Variants in SH3BP5 observed in about 807,000 individuals in gnomAD.
SH3BP5 encodes SH3 domain-binding protein 5.
SH3BP5 carries 22 observed loss-of-function variants against 43.3 expected under a neutral mutation model. That is an observed-to-expected ratio of 0.51 (90% CI 0.36 to 0.73). The LOEUF is 0.73. SH3BP5 is among the 30% of genes least tolerant of loss of function. The pLI, the probability that SH3BP5 is intolerant of heterozygous loss-of-function variation, is 0.00. For synonymous variants in SH3BP5, 255 were observed against 225.8 expected, an observed-to-expected ratio of 1.13 and a Z score of -1.16; for missense variants, 529 against 586.9, an observed-to-expected ratio of 0.90 and a Z score of 1.02.
chr3:15,268,789 A>G (rs1425171765), intron 4 of SH3BP5, among the ~76,000 whole-genome samples: 6 of 152,122 alleles, frequency 3.9e-5, no homozygotes, highest in Non-Finnish European at 8.8e-5. Context: ...GTATCTGGAG[A>G]TAGGGCCTTT....
intron 3 of SH3BP5, among the ~76,000 whole-genome samples, chr3:15,274,965 C>T (rs750065277): frequency 6.6e-5 from 10 of 152,180 alleles, no homozygotes; most frequent in Non-Finnish European, 1.3e-4. Context: ...AATCATCTCC[C>T]GCCAAGCCCC....
chr3:15,304,277 G>C (rs781380117), intron 2 of SH3BP5, 46 bp from the exon 3 acceptor site: 1 of 1,613,508 alleles, frequency 6.2e-7, no homozygotes, highest in Admixed American at 1.7e-5. Flanking sequence ...GCTTAAGAAG[G>C]GATCTGCAAA....
At chr3:15,335,121 A>G (rs544918968), upstream of SH3BP5, among the ~76,000 whole-genome samples, 11 of 152,066 alleles carry the variant, frequency 7.2e-5, no homozygotes, top group South Asian at 2.3e-3. Context: ...TAGGCCAGGC[A>G]TGGTGGCTCA....
At position 15,258,946 on chromosome 3, in the gene SH3BP5, G is replaced by A. The variant is rs757056318; in HGVS notation, c.774C>T (p.His258=). 26 of 1,614,042 alleles carry A rather than the reference G, an allele frequency of 1.6e-5. No homozygotes were observed. The highest frequency in any genetic ancestry group is 2.7e-5 in the African/African-American group (2 of 74,912). Reference sequence around the variant, plus strand: ...CCATGGCACTGGAGCGCCGCCGCTCGTGGATCTCATCTGAGATCATCTCCA... The same window carrying A: ...CCATGGCACTGGAGCGCCGCCGCTCATGGATCTCATCTGAGATCATCTCCA... ...KNLEMISDEI[H]ERRRSSAMGP... Residue 258 remains histidine (H), a synonymous_variant, in exon 7 of 9, where the codon CAC becomes CAT. Transcript: ENST00000383791.
intron 2 of SH3BP5, among the ~76,000 whole-genome samples, chr3:15,316,627 T>C (rs114354772): frequency 7.9e-4 from 120 of 152,220 alleles, no homozygotes; most frequent in African/African-American, 2.7e-3. Flanking sequence ...TAGATTCTTT[T>C]GTAGTTCGTA....
intron 3 of SH3BP5, among the ~76,000 whole-genome samples, chr3:15,283,991 G>A (rs1434389770): frequency 6.6e-6 from 1 of 152,238 alleles, no homozygotes; most frequent in African/African-American, 2.4e-5. Context: ...CACAGGGCTA[G>A]AAAGGAAGGA....
At chr3:15,291,132 T>G (rs1199289659) in intron 3 of SH3BP5, among the ~76,000 whole-genome samples, 1 of 152,198 alleles carries the variant, frequency 6.6e-6, no homozygotes, top group East Asian at 1.9e-4. Flanking sequence ...AGAAACTCAA[T>G]TTCGTCCCAG....
rs907950534 is a variant in SH3BP5, at chr3:15,258,485, C to G, written c.889+346G>C. On this transcript the variant is annotated intron_variant, in intron 7 of 8. Coordinates refer to ENST00000383791, the MANE Select transcript of SH3BP5 (RefSeq NM_004844.5). ...AGTTAGGCCCTTGCCCACATCATGCCTTAGTAATGATGTAAAGGTAGCTTT... is the reference window on the plus strand; with the variant it reads ...AGTTAGGCCCTTGCCCACATCATGCGTTAGTAATGATGTAAAGGTAGCTTT... 4.4e-5 allele frequency: 14 copies of G among 314,962 alleles called. 1 individual carries two copies. The Admixed American group carries it at 5.2e-4, about 12-fold the overall frequency. 19.5% of individuals were successfully genotyped at this position (314,962 alleles called of 1,614,324 possible).
chr3:15,294,692 A>C (rs1040419168), intron 3 of SH3BP5, among the ~76,000 whole-genome samples: 1 of 152,124 alleles, frequency 6.6e-6, no homozygotes, highest in Non-Finnish European at 1.5e-5. Context: ...GTGGCACCTA[A>C]TACATCATTA....
intron 3 of SH3BP5, among the ~76,000 whole-genome samples, chr3:15,290,165 G>T (rs1188712345): frequency 6.6e-6 from 1 of 152,052 alleles, no homozygotes; most frequent in Non-Finnish European, 1.5e-5. Context: ...ACTTTGGGAG[G>T]TCAAGGCAGT....
intron 3 of SH3BP5, among the ~76,000 whole-genome samples, chr3:15,290,976 A>G (rs976862250): frequency 6.6e-6 from 1 of 152,186 alleles, no homozygotes; most frequent in African/African-American, 2.4e-5. Flanking sequence ...CCCACATTCC[A>G]GAAGATTCTT....
chr3:15,323,467 CA>C (rs1224295446), intron 2 of SH3BP5, among the ~76,000 whole-genome samples: 2 of 152,192 alleles, frequency 1.3e-5, no homozygotes, highest in Non-Finnish European at 2.9e-5. Flanking sequence ...GCCAAGCACA[CA>C]GGGGGCCCTC....
At chr3:15,269,933 T>C (rs1400843900) in intron 3 of SH3BP5, 56 bp from the exon 4 acceptor site, 2 of 1,412,936 alleles carry the variant, frequency 1.4e-6, no homozygotes, top group Non-Finnish European at 1.9e-6. Context: ...CTCCCCATGG[T>C]CCATTTTACC....
At chr3:15,340,203 T>C (rs183815573) in intron 1 of SH3BP5, among the ~76,000 whole-genome samples, 3 of 152,250 alleles carry the variant, frequency 2.0e-5, no homozygotes, top group East Asian at 1.9e-4. Context: ...AATCCACTTA[T>C]AAAGGAAGCC....
At position 15,314,110 on chromosome 3, in the gene SH3BP5, A is replaced by G. The variant is rs967137164; in HGVS notation, c.202-9879T>C. On this transcript the variant is annotated intron_variant, in intron 2 of 8. Coordinates refer to ENST00000383791, the MANE Select transcript of SH3BP5 (RefSeq NM_004844.5). ...GAGCGAGACTCTGTCTCAAAAAATT[A>G]AAACTTAATTAACTTAGTGATTTTT... Among the ~76,000 whole-genome samples, 15 of 151,846 alleles carry G rather than the reference A, an allele frequency of 9.9e-5. 1 individual carries two copies. Among genetic ancestry groups the G allele is most frequent in the South Asian group, 4.2e-4 (2 of 4,812 alleles).
At chr3:15,282,028 T>C (rs1189548761) in intron 3 of SH3BP5, among the ~76,000 whole-genome samples, 1 of 152,134 alleles carries the variant, frequency 6.6e-6, no homozygotes, top group East Asian at 1.9e-4. Context: ...AAAAAGCACA[T>C]TTTGATGCCT....
intron 3 of SH3BP5, among the ~76,000 whole-genome samples, chr3:15,300,021 A>G (rs1387266735): frequency 6.6e-6 from 1 of 152,130 alleles, no homozygotes; most frequent in East Asian, 1.9e-4. Context: ...ACCCCCCCAA[A>G]TACTTTTTGT....
intron 2 of SH3BP5, among the ~76,000 whole-genome samples, chr3:15,325,771 G>C (rs529743038): frequency 6.6e-6 from 1 of 152,186 alleles, no homozygotes; most frequent in Non-Finnish European, 1.5e-5. Flanking sequence ...TGTAATCCCA[G>C]CATTTTGTGA....
chr3:15,289,418 G>T, intron 3 of SH3BP5, among the ~76,000 whole-genome samples: 1 of 152,172 alleles, frequency 6.6e-6, no homozygotes, highest in East Asian at 1.9e-4. Flanking sequence ...AGTTCCTGGA[G>T]CCATCTTCAA....
Sources: allele counts gnomAD v4.1 joint callset (sites outside exome capture counted in the v4.1 genomes callset), GRCh38; gene constraint gnomAD v4.1.1; transcripts MANE v1.5; gene names NCBI Gene and HGNC (gene_info 2026-07-23, HGNC 2026-07-21).